LRP8: variants seen among roughly 807,000 people sequenced by gnomAD.
LRP8 encodes the protein LDL receptor related protein 8, also known as low-density lipoprotein receptor-related protein 8.
A neutral mutation model predicts 111.6 loss-of-function variants in LRP8; 46 were observed. The observed-to-expected ratio is 0.41, with a 90% CI of 0.33 to 0.53. LRP8 has a LOEUF of 0.53. Ranked by LOEUF, LRP8 falls within the 20% of genes least tolerant of loss-of-function variation. LRP8 has a pLI of 0.20. For synonymous variants in LRP8, 464 were observed against 511.2 expected, an observed-to-expected ratio of 0.91 and a Z score of 1.24; for missense variants, 959 against 1,297.4, an observed-to-expected ratio of 0.74 and a Z score of 4.01.
chr1:53,321,524 TC>T (rs1458852766), intron 2 of LRP8, among the ~76,000 whole-genome samples: 3 of 152,140 alleles, frequency 2.0e-5, no homozygotes, highest in African/African-American at 7.2e-5. Flanking sequence ...GCCTGTTCCA[TC>T]CGCCCTCTGG....
rs1347604407 is a variant in LRP8 at position 53,294,668 on chromosome 1, C to A, written c.245-4979G>T. On this transcript the variant is annotated intron_variant, in intron 2 of 18. Transcript: ENST00000306052. This position sits in a 1 kb window ranked among gnomAD's most constrained non-coding sequence, Gnocchi z 4.1. ...TGTGTGTAACACTGGGCCCATCCGT[C>A]AAACCTTCTGAGCTTGCCTCCTCCT... Among the ~76,000 whole-genome samples, 1 of 152,220 alleles carries A rather than the reference C, an allele frequency of 6.6e-6. No individual in the cohort carries two copies. Among genetic ancestry groups the A allele is most frequent in the African/African-American group, 2.4e-5 (1 of 41,460 alleles).
intron 6 of LRP8, among the ~76,000 whole-genome samples, chr1:53,272,900 G>T (rs1344016220): frequency 1.3e-5 from 2 of 152,158 alleles, no homozygotes; most frequent in African/African-American, 2.4e-5. Context: ...CTCTCCTTTT[G>T]CAGCTAGCAA....
chr1:53,280,759 C>A (rs1277759287), intron 3 of LRP8, 44 bp from the exon 4 acceptor site: 9 of 1,602,690 alleles, frequency 5.6e-6, no homozygotes, highest in Middle Eastern at 1.6e-4. Flanking sequence ...AAGGGGGACA[C>A]AGGGCATGGT....
chr1:53,301,229 G>T (rs893001204), intron 2 of LRP8, among the ~76,000 whole-genome samples: 4 of 152,162 alleles, frequency 2.6e-5, no homozygotes, highest in Non-Finnish European at 5.9e-5. Context: ...GGGAACAAGG[G>T]AATTGTCTGA....
rs139298983 is a variant in LRP8 at position 53,278,755 on chromosome 1, C to CTT, written c.497-1679_497-1678dup. Reference sequence around the variant, plus strand: ...TTTCTGGGAGTTCTGATGGGAAGTGCTTTTTTTTTTTTTTTTTTAATTTTC... The same window carrying CTT: ...TTTCTGGGAGTTCTGATGGGAAGTGCTTTTTTTTTTTTTTTTTTTTAATTTTC... On this transcript the variant is annotated intron_variant, in intron 4 of 18. Transcript: ENST00000306052. 1.2e-3 allele frequency among the ~76,000 whole-genome samples: 164 copies of CTT among 135,686 alleles called. 1 individual carries two copies. The highest frequency in any genetic ancestry group is 4.1e-3 in the African/African-American group (146 of 35,696). 89.0% of individuals were successfully genotyped at this position (135,686 alleles called of 152,430 possible). A position where few individuals can be genotyped will look rare whatever the true frequency, so the allele number is the denominator to read the frequency against.
Position 53,264,413 on chromosome 1 carries a change from G to A in LRP8, c.1428-17C>T, listed in dbSNP as rs761687299. The A allele has an allele frequency of 5.0e-6, 8 of 1,602,524 alleles. No homozygotes were observed. The South Asian group carries it at 8.9e-5, about 18-fold the overall frequency. On this transcript the variant is annotated splice_polypyrimidine_tract_variant and intron_variant, in intron 9 of 18. Coordinates refer to ENST00000306052, the MANE Select transcript of LRP8 (RefSeq NM_004631.5). The stretch of plus-strand genomic sequence containing the variant: ...ATGTAGGCGCTTAAGAGAAAACAGA[G>A]ATGACCATGGGGCAGATGTTCCACC...
intron 16 of LRP8, among the ~76,000 whole-genome samples, chr1:53,253,435 T>C (rs971000988): frequency 1.3e-5 from 2 of 152,174 alleles, no homozygotes; most frequent in Non-Finnish European, 2.9e-5. Flanking sequence ...AAGAAAAGAC[T>C]GTGAGTGGGC....
rs77154391 is a variant in LRP8 at position 53,275,058 on chromosome 1, G to A, written c.1006+573C>T. ...GCTGGGCAGGGCTGTGGGGATCTGC[G>A]TCTCATCTTGCAGGACTCAGGTCCT... is the stretch of plus-strand genomic sequence containing the variant. On this transcript the variant is annotated intron_variant, in intron 6 of 18. Transcript: ENST00000306052. This position sits in a 1 kb window ranked among gnomAD's most constrained non-coding sequence, Gnocchi z 4.4. 2.6e-5 allele frequency among the ~76,000 whole-genome samples: 4 copies of A among 152,312 alleles called. No homozygotes were observed. Among genetic ancestry groups the A allele is most frequent in the African/African-American group, 4.8e-5 (2 of 41,572 alleles).
chr1:53,274,899 A>G (rs902821807), intron 6 of LRP8: 3 of 452,396 alleles, frequency 6.6e-6, no homozygotes, highest in African/African-American at 6.0e-5. Flanking sequence ...CACAGGAGGC[A>G]AGCAGAGCTC....
At chr1:53,304,132 C>A (rs543156463) in intron 2 of LRP8, among the ~76,000 whole-genome samples, 1 of 152,326 alleles carries the variant, frequency 6.6e-6, no homozygotes, top group African/African-American at 2.4e-5. Flanking sequence ...ACCGAGGAGG[C>A]AGCAGTTCTA....
intron 2 of LRP8, among the ~76,000 whole-genome samples, chr1:53,321,717 G>A (rs555110867): frequency 2.1e-4 from 32 of 152,096 alleles, no homozygotes; most frequent in Admixed American, 1.8e-3. Flanking sequence ...AGGGCCCAAG[G>A]GAAAGTCTTC....
Position 53,266,435 on chromosome 1 carries a change from A to C in LRP8, c.1427+38T>G, listed in dbSNP as rs778052026. The C allele has an allele frequency of 6.6e-5, 106 of 1,601,048 alleles. No homozygotes were observed. In the African/African-American group the frequency reaches 1.0e-3, roughly 15 times the overall value. ...TCACCTGTCACCACCCCTCACCCCCACTCTTCATGCCTTGCTGCAGAGGAT... is the reference window on the plus strand; with the variant it reads ...TCACCTGTCACCACCCCTCACCCCCCCTCTTCATGCCTTGCTGCAGAGGAT... On this transcript the variant is annotated intron_variant, in intron 9 of 18. Transcript: ENST00000306052. This position sits in a 1 kb window ranked among gnomAD's most constrained non-coding sequence, Gnocchi z 5.0.
In LRP8 at chr1:53,243,675, G is replaced by C. The variant is rs114540499; in HGVS notation, c.*3343C>G. On this transcript the variant is annotated 3_prime_UTR_variant, in exon 19 of 19. Coordinates refer to ENST00000306052, the MANE Select transcript of LRP8 (RefSeq NM_004631.5). ...TAGAATGAACTGTGCAATTCCTAAAGTCCCTGTGCTCTTTCATACCTCTGT... is the reference window on the plus strand; with the variant it reads ...TAGAATGAACTGTGCAATTCCTAAACTCCCTGTGCTCTTTCATACCTCTGT... 1 of 152,280 alleles carries C rather than the reference G, an allele frequency of 6.6e-6. No homozygotes were observed. Among genetic ancestry groups the C allele is most frequent in the Non-Finnish European group, 1.5e-5 (1 of 68,028 alleles). 9.4% of individuals were successfully genotyped at this position (152,280 alleles called of 1,614,324 possible).
At chr1:53,260,709 C>A in intron 12 of LRP8, 104 bp from the exon 13 acceptor site, 1 of 1,142,022 alleles carries the variant, frequency 8.8e-7, no homozygotes, top group Non-Finnish European at 1.3e-6. Context: ...TCCCTGAAAT[C>A]TCCCCTGATC....
At chr1:53,312,067 C>G (rs2788031) in intron 2 of LRP8, among the ~76,000 whole-genome samples, 1 of 152,126 alleles carries the variant, frequency 6.6e-6, no homozygotes, top group Non-Finnish European at 1.5e-5. Flanking sequence ...ACATGGGACA[C>G]AGACAGACAG....
intron 2 of LRP8, 83 bp downstream of exon 2, chr1:53,326,790 T>G (rs1655187340): frequency 6.6e-7 from 1 of 1,521,774 alleles, no homozygotes; most frequent in Non-Finnish European, 8.8e-7. Flanking sequence ...GCGCGGCGGC[T>G]GCAGCCACGT....
intron 2 of LRP8, among the ~76,000 whole-genome samples, chr1:53,322,537 C>T (rs543130857): frequency 3.9e-5 from 6 of 152,028 alleles, no homozygotes; most frequent in Non-Finnish European, 7.4e-5. Context: ...CAGGAAGAGG[C>T]GGGAAGAGGT....
At chr1:53,307,290 C>T (rs897231278) in intron 2 of LRP8, 3 of 152,318 alleles carry the variant, frequency 2.0e-5, no homozygotes, top group South Asian at 2.1e-4. Flanking sequence ...GCCTCACCCA[C>T]TGAAGGCCAG....
chr1:53,266,075 G>C lies in LRP8; in HGVS notation c.1427+398C>G, dbSNP rs373631653. Among the ~76,000 whole-genome samples the C allele has an allele frequency of 1.6e-5, 1 of 62,362 alleles. No homozygotes were observed. Among genetic ancestry groups the C allele is most frequent in the Non-Finnish European group, 4.4e-5 (1 of 22,588 alleles). The allele number at this position is 62,362 out of a possible 152,430, so 40.9% of individuals were successfully genotyped here. ...CATCACAAATGGATGTCACTGTGTT[G>C]TGAGTGGGATCCTCTGGGCAGGGAC... is the stretch of plus-strand genomic sequence containing the variant. On this transcript the variant is annotated intron_variant, in intron 9 of 18. Coordinates refer to ENST00000306052, the MANE Select transcript of LRP8 (RefSeq NM_004631.5). The surrounding 1 kb of genome is among the most constrained non-coding windows in gnomAD (Gnocchi z 5.0).
Sources: allele counts gnomAD v4.1 joint callset (sites outside exome capture counted in the v4.1 genomes callset), GRCh38; gene constraint gnomAD v4.1.1; non-coding constraint Gnocchi (gnomAD v3.1); transcripts MANE v1.5; gene names NCBI Gene and HGNC (gene_info 2026-07-23, HGNC 2026-07-21).